The following CARS2 variants were observed in gnomAD, a reference collection of about 807,000 sequenced individuals.
The protein encoded by CARS2 is cysteinyl-tRNA synthetase 2, mitochondrial.
CARS2 carries 52 observed loss-of-function variants against 68.8 expected under a neutral mutation model. The ratio of observed to expected loss-of-function variants is 0.76; its 90% CI spans 0.61 to 0.95. CARS2 has a LOEUF of 0.95. Among genes scored for constraint, CARS2 ranks in the 40% least tolerant of loss-of-function variants. The probability of loss-of-function intolerance (pLI) is 0.00; values close to 1 mark genes in which losing one functional copy is unlikely to be tolerated. For synonymous variants in CARS2, 314 were observed against 303.6 expected, an observed-to-expected ratio of 1.03 and a Z score of -0.36; for missense variants, 780 against 754.2, an observed-to-expected ratio of 1.03 and a Z score of -0.40.
At chr13:110,664,822 G>T in intron 8 of CARS2, 1 of 334,766 alleles carries the variant, frequency 3.0e-6, no homozygotes, top group Non-Finnish European at 4.3e-6. Flanking sequence ...CATAACAGAG[G>T]CCCCTCGAGA....
At position 110,653,886 on chromosome 13, in the gene CARS2, C is replaced by T. The variant is rs149260187; in HGVS notation, c.988-2786G>A. Reference sequence around the variant, plus strand: ...TTTTTAGCGTGTTCCTGCTCTGTGCCGGCTGATATCAGCAAGTTTCTATAC... The same window carrying T: ...TTTTTAGCGTGTTCCTGCTCTGTGCTGGCTGATATCAGCAAGTTTCTATAC... On this transcript the variant is annotated intron_variant, in intron 9 of 14. Transcript: ENST00000257347. This position sits in a 1 kb window ranked among gnomAD's most constrained non-coding sequence, Gnocchi z 5.6. 3.9e-4 allele frequency among the ~76,000 whole-genome samples: 59 copies of T among 152,302 alleles called. No individual in the cohort carries two copies. The highest frequency in any genetic ancestry group is 1.2e-3 in the African/African-American group (48 of 41,564).
intron 11 of CARS2, 178 bp from the exon 12 acceptor site, chr13:110,646,268 A>G: frequency 1.6e-6 from 1 of 626,710 alleles, no homozygotes; most frequent in Non-Finnish European, 2.6e-6. Context: ...CATCAACTGC[A>G]AACTGTCATG....
chr13:110,712,226 A>C (rs1183370601), intron 1 of CARS2: 1 of 153,378 alleles, frequency 6.5e-6, no homozygotes, highest in East Asian at 1.9e-4. Flanking sequence ...AGGCAGCACC[A>C]CCAACCCGGC....
chr13:110,713,368 C>G, exon 1 of CARS2: 1 of 1,056,900 alleles, frequency 9.5e-7, no homozygotes, highest in Non-Finnish European at 1.1e-6. Context: ...CGAAGCAGGC[C>G]GCTCCCCTGC....
At chr13:110,666,148 G>A (rs1009771804) in intron 8 of CARS2, 5 of 985,250 alleles carry the variant, frequency 5.1e-6, no homozygotes, top group Non-Finnish European at 4.8e-6. Context: ...GCCCCCGGCT[G>A]TGGAAATCAG....
intron 3 of CARS2, among the ~76,000 whole-genome samples, chr13:110,691,282 C>T (rs942087527): frequency 6.6e-6 from 1 of 152,164 alleles, no homozygotes; most frequent in South Asian, 2.1e-4. Context: ...TCCTGAAGTG[C>T]TGGGATTACA....
rs752726281 is a variant in CARS2, at chr13:110,670,765, C to T, written c.786-3292G>A. Reference sequence around the variant, plus strand: ...GACGATCGGTAATAACAAACTTCTCCGAGCTAAAGGAGGATGTTTGAACCC... The same window carrying T: ...GACGATCGGTAATAACAAACTTCTCTGAGCTAAAGGAGGATGTTTGAACCC... On this transcript the variant is annotated intron_variant, in intron 7 of 14. Coordinates refer to ENST00000257347, the MANE Select transcript of CARS2 (RefSeq NM_024537.4). The surrounding 1 kb of genome is among the most constrained non-coding windows in gnomAD (Gnocchi z 4.1). 2.0e-5 allele frequency among the ~76,000 whole-genome samples: 3 copies of T among 152,218 alleles called. No individual in the cohort carries two copies. The highest frequency in any genetic ancestry group is 2.9e-5 in the Non-Finnish European group (2 of 68,000).
At chr13:110,706,455 G>T (rs767456524), upstream of CARS2, 14 of 166,522 alleles carry the variant, frequency 8.4e-5, no homozygotes, top group Middle Eastern at 2.6e-3. Flanking sequence ...TGTCCGCCGC[G>T]CGGGAGGAGC....
intron 13 of CARS2, chr13:110,643,725 T>C: frequency 6.1e-6 from 1 of 164,766 alleles, no homozygotes; most frequent in South Asian, 1.5e-4. Flanking sequence ...GTCAGCCACA[T>C]ACAAAGTGAT....
At chr13:110,664,619 C>A (rs1437579967) in intron 8 of CARS2, 1 of 981,320 alleles carries the variant, frequency 1.0e-6, no homozygotes, top group Admixed American at 6.2e-5. Context: ...TGTGATTACA[C>A]CAAGCACGAT....
chr13:110,675,749 G>A (rs568604901), intron 7 of CARS2, among the ~76,000 whole-genome samples: 25 of 152,272 alleles, frequency 1.6e-4, no homozygotes, highest in African/African-American at 5.8e-4. Flanking sequence ...CATACGCGTG[G>A]TTATTCACTA....
chr13:110,663,353 G>A (rs2062561038), intron 9 of CARS2, 98 bp downstream of exon 9: 10 of 1,234,420 alleles, frequency 8.1e-6, no homozygotes, highest in South Asian at 1.5e-5. Context: ...GAGGGCACTG[G>A]GAATGGGATT....
chr13:110,641,578 G>T lies in CARS2; in HGVS notation c.1654C>A (p.Leu552Met), dbSNP rs1032204870. The T allele has an allele frequency of 1.9e-6, 3 of 1,613,984 alleles. No individual in the cohort carries two copies. In the African/African-American group the frequency reaches 4.0e-5, roughly 22 times the overall value. Residue 552 changes from leucine (L) to methionine (M), a missense_variant, in exon 15 of 15, where the codon CTG becomes ATG. By Grantham distance (15) the Leu-to-Met change is conservative. Transcript: ENST00000257347. ...DRSSTTSTWE[L>M]LDQRTKDQKS... ...TGGTCTTTTGTCCTTTGATCCAGCA[G>T]TTCCCACGTGGATGTTGTACTGCTT...
chr13:110,700,113 C>G (rs7318291), intron 3 of CARS2, among the ~76,000 whole-genome samples: 1 of 152,064 alleles, frequency 6.6e-6, no homozygotes, highest in East Asian at 1.9e-4. Context: ...ATGTGATCAC[C>G]TTAACCTCTT....
chr13:110,662,350 G>A (rs2062533762), intron 9 of CARS2, among the ~76,000 whole-genome samples: 1 of 139,298 alleles, frequency 7.2e-6, no homozygotes, highest in Non-Finnish European at 1.5e-5. Flanking sequence ...GCAACCCCAT[G>A]GCCAGGCTCC....
chr13:110,666,449 G>A (rs1418419945), intron 8 of CARS2: 2 of 985,282 alleles, frequency 2.0e-6, no homozygotes, highest in Non-Finnish European at 2.4e-6. Context: ...GGCAGACATA[G>A]TAGGTAATGG....
intron 3 of CARS2, among the ~76,000 whole-genome samples, chr13:110,695,167 C>T (rs1487423086): frequency 1.3e-5 from 2 of 151,840 alleles, no homozygotes; most frequent in Non-Finnish European, 2.9e-5. Context: ...CTGTGGTCCC[C>T]GCTACTCTGG....
At chr13:110,648,827 GCA>G (rs1460525525) in intron 10 of CARS2, 7 of 152,178 alleles carry the variant, frequency 4.6e-5, no homozygotes, top group Admixed American at 6.5e-5. Context: ...AAAAAGAACT[GCA>G]CACAATTAGG....
chr13:110,664,177 G>A, intron 8 of CARS2: 2 of 985,392 alleles, frequency 2.0e-6, no homozygotes, highest in Non-Finnish European at 2.4e-6. Flanking sequence ...GTTTCTAACA[G>A]AAGACTCTTC....
Sources: allele counts gnomAD v4.1 joint callset (sites outside exome capture counted in the v4.1 genomes callset), GRCh38; gene constraint gnomAD v4.1.1; non-coding constraint Gnocchi (gnomAD v3.1); transcripts MANE v1.5; gene names NCBI Gene and HGNC (gene_info 2026-07-23, HGNC 2026-07-21).